The following HTR3B variants were observed in gnomAD, a reference collection of about 807,000 sequenced individuals.
HTR3B encodes 5-hydroxytryptamine (serotonin) receptor 3B, ionotropic.
A neutral mutation model predicts 42.8 loss-of-function variants in HTR3B; 44 were observed. The ratio of observed to expected loss-of-function variants is 1.03; its 90% confidence interval spans 0.81 to 1.32. The LOEUF is 1.32. Among genes scored for constraint, HTR3B ranks in the 40% most tolerant of loss-of-function variants. HTR3B has a pLI of 0.00. For synonymous variants in HTR3B, 203 were observed against 209.0 expected (o/e 0.97, Z 0.25); for missense variants, 527 against 536.5 (o/e 0.98, Z 0.17).
In HTR3B at chr11:113,942,980, A is replaced by C. The variant is rs1232484004; in HGVS notation, c.697-2A>C. ...TTCATCAGACCACTTGTTCCCGGCC[A>C]GGTGGTGATGCGCAGGCACCCCCTG... On this transcript the variant is annotated splice_acceptor_variant, in intron 6 of 8. Transcript: ENST00000260191. LOFTEE classifies it high-confidence loss of function. The C allele has an allele frequency of 1.2e-6, 2 of 1,613,892 alleles. No homozygotes were observed. The highest frequency in any genetic ancestry group is 1.7e-6 in the Non-Finnish European group (2 of 1,179,804).
At chr11:113,919,456 A>G (rs560745800) in intron 2 of HTR3B, among the ~76,000 whole-genome samples, 21 of 152,334 alleles carry the variant, frequency 1.4e-4, no homozygotes, top group Non-Finnish European at 2.5e-4. Context: ...TAGTACTACC[A>G]GTGAATCAGA....
chr11:113,913,941 C>T (rs1949825258), intron 2 of HTR3B, among the ~76,000 whole-genome samples: 2 of 152,166 alleles, frequency 1.3e-5, no homozygotes, highest in African/African-American at 4.8e-5. Flanking sequence ...TGACCTCTTG[C>T]TGTGAGATGC....
Position 113,944,032 on chromosome 11 carries a change from T to G in HTR3B, c.908-541T>G, listed in dbSNP as rs559105287. On this transcript the variant is annotated intron_variant, in intron 7 of 8. Coordinates refer to ENST00000260191, the MANE Select transcript of HTR3B (RefSeq NM_006028.5). ...GACTTGTCTCTCTCTCTTTTTTTTT[T>G]TTTTTTGAGATGGAGTCTTGCTGTG... 2.0e-3 allele frequency among the ~76,000 whole-genome samples: 301 copies of G among 150,918 alleles called. 1 individual carries two copies. Among genetic ancestry groups the G allele is most frequent in the African/African-American group, 7.0e-3 (287 of 41,182 alleles).
chr11:113,922,161 G>T (rs768727404), intron 2 of HTR3B, among the ~76,000 whole-genome samples: 5 of 152,010 alleles, frequency 3.3e-5, no homozygotes, highest in Non-Finnish European at 5.9e-5. Flanking sequence ...ATTTCTCCAA[G>T]GTAAGAGCAC....
rs765745032 is a variant in HTR3B, at chr11:113,904,832, AAGG to A, written c.-96_-94del. On this transcript the variant is annotated 5_prime_UTR_variant, in exon 1 of 9. Coordinates refer to ENST00000260191, the MANE Select transcript of HTR3B (RefSeq NM_006028.5). ...GGATAGCATCAACTGGCAAACGGAG[AAGG>A]AGGAGAACAGAGTGGAGAGGAACCC... The A allele has an allele frequency of 6.8e-4, 473 of 698,618 alleles. 2 individuals carry two copies. In the African/African-American group the frequency reaches 7.4e-3, roughly 11 times the overall value. The allele number at this position is 698,618 out of a possible 1,614,324, so 43.3% of individuals were successfully genotyped here. A position where few individuals can be genotyped will look rare whatever the true frequency, so the allele number is the denominator to read the frequency against.
intron 2 of HTR3B, among the ~76,000 whole-genome samples, chr11:113,925,423 T>G (rs1013088734): frequency 8.2e-6 from 1 of 121,618 alleles, no homozygotes; most frequent in Non-Finnish European, 1.6e-5. Flanking sequence ...ATTTGTTTTT[T>G]TTTTTTTTTT....
chr11:113,911,734 G>C (rs1232383200), intron 2 of HTR3B, among the ~76,000 whole-genome samples: 1 of 151,992 alleles, frequency 6.6e-6, no homozygotes, highest in African/African-American at 2.4e-5. Flanking sequence ...CACCATGTTG[G>C]TCAGGCTGGT....
At chr11:113,913,989 C>T (rs369729736) in intron 2 of HTR3B, among the ~76,000 whole-genome samples, 116 of 152,114 alleles carry the variant, frequency 7.6e-4, no homozygotes, top group African/African-American at 2.6e-3. Flanking sequence ...AAGCCCTGAT[C>T]GGATGCAGCT....
intron 2 of HTR3B, among the ~76,000 whole-genome samples, chr11:113,924,385 G>C (rs1446576165): frequency 6.6e-6 from 1 of 152,042 alleles, no homozygotes; most frequent in Non-Finnish European, 1.5e-5. Flanking sequence ...GGAGGCCAAG[G>C]TGGGAGGACT....
Position 113,947,981 on chromosome 11 carries a change from CT to C in HTR3B, c.*1845del, listed in dbSNP as rs1254547139. 3.0e-4 allele frequency among the ~76,000 whole-genome samples: 45 copies of C among 152,188 alleles called. 1 individual carries two copies. The highest frequency in any genetic ancestry group is 1.9e-4 in the East Asian group (1 of 5,178). On this transcript the variant is annotated 3_prime_UTR_variant, in exon 9 of 9. Coordinates refer to ENST00000260191, the MANE Select transcript of HTR3B (RefSeq NM_006028.5). ...ATTGCCTTTAGAAAAATCTGCCCCC[CT>C]CCATCCCCCCAAAGAAAAAGAATTT...
intron 8 of HTR3B, 75 bp downstream of exon 8, chr11:113,944,830 T>A: frequency 6.9e-7 from 1 of 1,442,160 alleles, no homozygotes; most frequent in Non-Finnish European, 9.6e-7. Flanking sequence ...GATGATGTAC[T>A]AGGTATTGCG....
At chr11:113,907,053 C>A (rs1206971447) in intron 1 of HTR3B, among the ~76,000 whole-genome samples, 1 of 152,170 alleles carries the variant, frequency 6.6e-6, no homozygotes, top group Non-Finnish European at 1.5e-5. Context: ...AAGATAGGTG[C>A]ATGGGAGAGT....
intron 6 of HTR3B, among the ~76,000 whole-genome samples, chr11:113,939,278 G>T (rs997903436): frequency 6.6e-5 from 10 of 152,156 alleles, no homozygotes; most frequent in African/African-American, 2.4e-4. Flanking sequence ...TTTTCCCTCT[G>T]CCTTCATTTA....
At chr11:113,915,410 C>T (rs1949842667) in intron 2 of HTR3B, among the ~76,000 whole-genome samples, 1 of 151,992 alleles carries the variant, frequency 6.6e-6, no homozygotes, top group Non-Finnish European at 1.5e-5. Context: ...GATTTTTTTT[C>T]CCTCTAGTTT....
At chr11:113,910,004 A>AT (rs1204826424) in intron 2 of HTR3B, among the ~76,000 whole-genome samples, 1 of 151,602 alleles carries the variant, frequency 6.6e-6, no homozygotes, top group Non-Finnish European at 1.5e-5. Flanking sequence ...AAAAAAAAAA[A>AT]AAAAAACTTG....
chr11:113,919,194 T>G (rs1343090611), intron 2 of HTR3B, among the ~76,000 whole-genome samples: 1 of 152,202 alleles, frequency 6.6e-6, no homozygotes, highest in Admixed American at 6.6e-5. Context: ...AATTTCCATA[T>G]TCATCATTAA....
intron 5 of HTR3B, among the ~76,000 whole-genome samples, chr11:113,932,682 A>G (rs2137523316): frequency 6.6e-6 from 1 of 152,280 alleles, no homozygotes; most frequent in African/African-American, 2.4e-5. Flanking sequence ...GCCATGGATA[A>G]TATTATAGAA....
chr11:113,916,259 C>T (rs1309127855), intron 2 of HTR3B, among the ~76,000 whole-genome samples: 1 of 152,138 alleles, frequency 6.6e-6, no homozygotes, highest in African/African-American at 2.4e-5. Context: ...TTGCCAATTG[C>T]CAACTGTATA....
chr11:113,909,373 A>G lies in HTR3B; in HGVS notation c.131A>G (p.His44Arg). ...AGCAAGCAGCTATTACAGAAATATC[A>G]TAAAGAAGTGAGACCTGTTTACAAC... ...HLSKQLLQKY[H>R]KEVRPVYNWT... Residue 44 changes from histidine (H) to arginine (R), a missense_variant, in exon 2 of 9, where the codon CAT (histidine) becomes CGT (arginine). His to Arg is a conservative substitution (Grantham distance 29). Coordinates refer to ENST00000260191, the MANE Select transcript of HTR3B (RefSeq NM_006028.5). The G allele has an allele frequency of 3.7e-6, 6 of 1,613,800 alleles. No homozygotes were observed. Among genetic ancestry groups the G allele is most frequent in the Non-Finnish European group, 5.1e-6 (6 of 1,179,684 alleles).
Sources: allele counts gnomAD v4.1 joint callset (sites outside exome capture counted in the v4.1 genomes callset), GRCh38; gene constraint gnomAD v4.1.1; transcripts MANE v1.5; gene names NCBI Gene and HGNC (gene_info 2026-07-23, HGNC 2026-07-21).